Variants in CFI observed in about 807,000 individuals in gnomAD.
The protein encoded by CFI is C3B/C4B inactivator.
Under a neutral mutation model 78.8 loss-of-function variants are expected in CFI, and 66 were observed. The observed-to-expected ratio is 0.84, with a 90% CI of 0.69 to 1.03. CFI has a LOEUF of 1.03. Among genes scored for constraint, CFI ranks in the 50% least tolerant of loss-of-function variants. The pLI is 0.00. For synonymous variants in CFI, 250 were observed against 232.6 expected, an observed-to-expected ratio of 1.07 and a Z score of -0.68; for missense variants, 706 against 704.5, an observed-to-expected ratio of 1.00 and a Z score of -0.02.
intron 1 of CFI, among the ~76,000 whole-genome samples, chr4:109,796,587 A>G (rs2125873451): frequency 6.6e-6 from 1 of 152,334 alleles, no homozygotes; most frequent in East Asian, 1.9e-4. Flanking sequence ...GGATCCTTTG[A>G]GGCCAGGAGT....
chr4:109,756,965 GAAAGA>G lies in CFI; in HGVS notation c.904+793_904+797del, dbSNP rs1561298090. 8.5e-4 allele frequency among the ~76,000 whole-genome samples: 114 copies of G among 133,872 alleles called. 1 individual carries two copies. The highest frequency in any genetic ancestry group is 2.8e-3 in the African/African-American group (102 of 37,044). The allele number at this position is 133,872 out of a possible 152,430, so 87.8% of individuals were successfully genotyped here. ...AGAAAGAAAGAAAGAAAGAAAGAAA[GAAAGA>G]AAGAAAGAAATTCTGAGGAGGATCA... On this transcript the variant is annotated intron_variant, in intron 7 of 12. Transcript: ENST00000394634.
chr4:109,777,234 G>A (rs1211397186), intron 1 of CFI, among the ~76,000 whole-genome samples: 3 of 152,150 alleles, frequency 2.0e-5, no homozygotes, highest in Admixed American at 2.0e-4. Context: ...ACGCATCTAT[G>A]TGTGCAGAGA....
downstream of CFI, among the ~76,000 whole-genome samples, chr4:109,739,587 G>T (rs1723589787): frequency 6.6e-6 from 1 of 152,094 alleles, no homozygotes; most frequent in African/African-American, 2.4e-5. Flanking sequence ...GTTGAGTTTG[G>T]GTTGACCACT....
intron 1 of CFI, among the ~76,000 whole-genome samples, chr4:109,786,810 A>G (rs925017148): frequency 2.0e-5 from 3 of 152,280 alleles, no homozygotes; most frequent in East Asian, 1.9e-4. Context: ...ACAAATAAAC[A>G]TTGAAGATCT....
chr4:109,749,400 A>C (rs573722688), intron 9 of CFI, 79 bp from the exon 10 acceptor site: 22 of 1,490,508 alleles, frequency 1.5e-5, no homozygotes, highest in Non-Finnish European at 1.6e-5. Flanking sequence ...CCATGGCAAG[A>C]CTCCCAGTCT....
intron 1 of CFI, among the ~76,000 whole-genome samples, chr4:109,789,441 G>T (rs201269046): frequency 6.6e-6 from 1 of 151,674 alleles, no homozygotes; most frequent in Non-Finnish European, 1.5e-5. Flanking sequence ...AAGGAAAAAA[G>T]ACACTATGTA....
At chr4:109,748,659 A>T (rs2126189927) in intron 10 of CFI, among the ~76,000 whole-genome samples, 1 of 152,290 alleles carries the variant, frequency 6.6e-6, no homozygotes, top group Admixed American at 6.5e-5. Context: ...CTTGAGTAGC[A>T]GAAAGCAATC....
chr4:109,742,894 AT>A (rs1276258118), intron 11 of CFI, among the ~76,000 whole-genome samples: 1 of 152,194 alleles, frequency 6.6e-6, no homozygotes, highest in East Asian at 1.9e-4. Flanking sequence ...CAGTCAGGCA[AT>A]TGGATAGGAA....
At chr4:109,738,410 C>A (rs1723502057), downstream of CFI, among the ~76,000 whole-genome samples, 1 of 152,140 alleles carries the variant, frequency 6.6e-6, no homozygotes, top group South Asian at 2.1e-4. Flanking sequence ...CTGCGCCCAG[C>A]CACTTTTCTC....
chr4:109,797,058 G>A (rs1325249024), intron 1 of CFI, among the ~76,000 whole-genome samples: 1 of 152,088 alleles, frequency 6.6e-6, no homozygotes, highest in Non-Finnish European at 1.5e-5. Flanking sequence ...TTTTTTTACA[G>A]AAATAGAAAA....
chr4:109,731,611 C>T, the CFI span, among the ~76,000 whole-genome samples: 1 of 152,308 alleles, frequency 6.6e-6, no homozygotes, highest in Admixed American at 6.5e-5. Context: ...GAAAGGCATT[C>T]CTCCCTACAA....
the CFI span, among the ~76,000 whole-genome samples, chr4:109,731,134 C>A: frequency 6.6e-6 from 1 of 152,276 alleles, no homozygotes; most frequent in Non-Finnish European, 1.5e-5. Context: ...CTCCTGAGGT[C>A]AGAAGTTCGA....
chr4:109,768,544 G>A (rs1360992405), intron 1 of CFI, among the ~76,000 whole-genome samples: 2 of 152,096 alleles, frequency 1.3e-5, no homozygotes, highest in Non-Finnish European at 2.9e-5. Flanking sequence ...ATTAATGAGA[G>A]CTATTATTAC....
chr4:109,733,427 G>A, the CFI span, among the ~76,000 whole-genome samples: 2 of 152,254 alleles, frequency 1.3e-5, no homozygotes, highest in African/African-American at 4.8e-5. Context: ...ATCCACAGCT[G>A]TGTTCCAGGT....
intron 6 of CFI, among the ~76,000 whole-genome samples, chr4:109,758,242 C>T (rs1424086093): frequency 1.4e-5 from 2 of 148,046 alleles, no homozygotes; most frequent in African/African-American, 2.5e-5. Context: ...GGATTACAGG[C>T]GTGAGCCACT....
At chr4:109,785,740 T>C (rs1391961449) in intron 1 of CFI, among the ~76,000 whole-genome samples, 2 of 152,068 alleles carry the variant, frequency 1.3e-5, no homozygotes, top group Non-Finnish European at 2.9e-5. Context: ...GTGGAGGTAA[T>C]TAAATCATGG....
In CFI at chr4:109,761,476, C is replaced by A. The variant is rs943429182; in HGVS notation, c.658+41G>T. ...TATAGGCTTGGTGTAAAATAAACAA[C>A]CTTCAAGGAAGGGAAAATAACAGGC... is the stretch of plus-strand genomic sequence containing the variant. On this transcript the variant is annotated intron_variant, in intron 4 of 12. Transcript: ENST00000394634. 3.1e-6 allele frequency: 5 copies of A among 1,594,250 alleles called. No individual in the cohort carries two copies. The African/African-American group carries it at 4.0e-5, about 13-fold the overall frequency.
At chr4:109,771,902 A>T (rs548630677) in intron 1 of CFI, among the ~76,000 whole-genome samples, 1 of 151,978 alleles carries the variant, frequency 6.6e-6, no homozygotes, top group Non-Finnish European at 1.5e-5. Context: ...AACAGGAGAG[A>T]TTGCATTTTC....
At chr4:109,772,457 T>G (rs1450331267) in intron 1 of CFI, among the ~76,000 whole-genome samples, 6 of 152,312 alleles carry the variant, frequency 3.9e-5, no homozygotes, top group South Asian at 4.1e-4. Flanking sequence ...ATAAGAAAAA[T>G]TATTTAAATC....
Sources: gnomAD v4.1 joint callset for allele counts (sites outside exome capture counted in the v4.1 genomes callset) on GRCh38, gnomAD v4.1.1 for gene constraint, MANE v1.5 for transcripts, NCBI Gene and HGNC (gene_info 2026-07-23, HGNC 2026-07-21) for gene names.